The following ATP11A variants were observed in gnomAD, a reference collection of about 807,000 sequenced individuals.
The protein encoded by ATP11A is ATPase phospholipid transporting 11A.
A neutral mutation model predicts 154.4 loss-of-function variants in ATP11A; 81 were observed. The observed-to-expected ratio is 0.52, with a 90% CI of 0.44 to 0.63. ATP11A has a LOEUF of 0.63. ATP11A is among the 30% of genes least tolerant of loss of function. The pLI, the probability that ATP11A is intolerant of heterozygous loss-of-function variation, is 0.00. For missense variants in ATP11A, 1,316 were observed against 1,474.3 expected, an observed-to-expected ratio of 0.89 and a Z score of 1.76; for synonymous variants, 623 against 585.9, an observed-to-expected ratio of 1.06 and a Z score of -0.91.
At chr13:112,726,876 T>C (rs1269586922) in intron 1 of ATP11A, among the ~76,000 whole-genome samples, 2 of 152,158 alleles carry the variant, frequency 1.3e-5, no homozygotes, top group Non-Finnish European at 2.9e-5. Flanking sequence ...AATAAATAAT[T>C]GTAAAGACAT....
intron 20 of ATP11A, among the ~76,000 whole-genome samples, chr13:112,857,197 C>T (rs2079955035): frequency 6.6e-6 from 1 of 152,196 alleles, no homozygotes; most frequent in South Asian, 2.1e-4. Flanking sequence ...CCCCCCATCT[C>T]TTCATTCTTA....
At chr13:112,702,193 A>G (rs985672256) in intron 1 of ATP11A, among the ~76,000 whole-genome samples, 1 of 151,698 alleles carries the variant, frequency 6.6e-6, no homozygotes, top group African/African-American at 2.4e-5. Flanking sequence ...TACAAATACA[A>G]AAATTAGCTG....
chr13:112,840,602 C>T (rs2079384877), intron 16 of ATP11A, among the ~76,000 whole-genome samples: 1 of 151,386 alleles, frequency 6.6e-6, no homozygotes, highest in Non-Finnish European at 1.5e-5. Flanking sequence ...AGCCTTTGCT[C>T]GGCACTGGTT....
At chr13:112,704,472 C>G (rs989376882) in intron 1 of ATP11A, among the ~76,000 whole-genome samples, 3 of 152,250 alleles carry the variant, frequency 2.0e-5, no homozygotes, top group African/African-American at 2.4e-5. Context: ...GGCTGCTCTG[C>G]CCCCGCGTTG....
chr13:112,808,777 C>G (rs567443277), intron 4 of ATP11A, among the ~76,000 whole-genome samples: 2 of 152,308 alleles, frequency 1.3e-5, no homozygotes, highest in East Asian at 3.9e-4. Flanking sequence ...CGCCATCGCC[C>G]AGGTCCTGCC....
chr13:112,738,418 C>T (rs1891206882), intron 1 of ATP11A, among the ~76,000 whole-genome samples: 1 of 152,166 alleles, frequency 6.6e-6, no homozygotes, highest in Non-Finnish European at 1.5e-5. Context: ...GTGTTAGCGA[C>T]TCAGAAAAGT....
chr13:112,693,528 A>G (rs780453896), intron 1 of ATP11A, among the ~76,000 whole-genome samples: 7 of 150,330 alleles, frequency 4.7e-5, no homozygotes, highest in Middle Eastern at 3.5e-3. Context: ...TGTGGGAGCC[A>G]TGGGGTAGCG....
intron 8 of ATP11A, among the ~76,000 whole-genome samples, chr13:112,822,809 C>T (rs146338857): frequency 1.3e-5 from 2 of 152,098 alleles, no homozygotes; most frequent in Non-Finnish European, 2.9e-5. Flanking sequence ...CACATCCACC[C>T]CTCTTTAGCC....
chr13:112,832,747 G>T (rs533621643), intron 13 of ATP11A, 113 bp from the exon 14 acceptor site: 1 of 1,282,560 alleles, frequency 7.8e-7, no homozygotes, highest in Non-Finnish European at 1.1e-6. Flanking sequence ...AGCTGCCTTC[G>T]TGGCCGCGGG....
At chr13:112,873,402 T>C in intron 26 of ATP11A, 171 bp from the exon 27 acceptor site, 2 of 563,194 alleles carry the variant, frequency 3.6e-6, no homozygotes, top group East Asian at 6.3e-5. Context: ...CTGAGCGGTG[T>C]GAGGTGTGGC....
intron 2 of ATP11A, among the ~76,000 whole-genome samples, chr13:112,790,835 C>A (rs2077832835): frequency 6.6e-6 from 1 of 152,180 alleles, no homozygotes; most frequent in African/African-American, 2.4e-5. Flanking sequence ...AAAAGGTCAC[C>A]TTTTCAAAGC....
rs1196711098 is a variant in ATP11A, at chr13:112,838,340, C to T, written c.1705+2089C>T. On this transcript the variant is annotated intron_variant, in intron 16 of 29. Transcript: ENST00000375645. This position sits in a 1 kb window ranked among gnomAD's most constrained non-coding sequence, Gnocchi z 7.3. ...TAGCAGTCGAATCTAGCTGTTGAGC[C>T]ATGGCTGGAACATGCTGCCCGTGAC... Among the ~76,000 whole-genome samples the T allele has an allele frequency of 6.6e-6, 1 of 152,140 alleles. No individual in the cohort carries two copies. The highest frequency in any genetic ancestry group is 2.4e-5 in the African/African-American group (1 of 41,438).
chr13:112,747,740 G>A lies in ATP11A; in HGVS notation c.40-37395G>A, dbSNP rs532009862. ...AATCCCAGCTACTCGGGAGGCTGAG[G>A]CAGGAGAATTGCTTGAACCTGGGAG... On this transcript the variant is annotated intron_variant, in intron 1 of 29. Transcript: ENST00000375645. 1.3e-3 allele frequency among the ~76,000 whole-genome samples: 193 copies of A among 152,286 alleles called. No individual in the cohort carries two copies. In the East Asian group the frequency reaches 0.013, roughly 10 times the overall value.
Position 112,880,516 on chromosome 13 carries a change from C to G in ATP11A, c.*10-1360C>G, listed in dbSNP as rs994036606. 13 of 1,289,266 alleles carry G rather than the reference C, an allele frequency of 1.0e-5. No homozygotes were observed. The African/African-American group carries it at 1.8e-4, about 18-fold the overall frequency. 79.9% of individuals were successfully genotyped at this position (1,289,266 alleles called of 1,614,324 possible). On this transcript the variant is annotated intron_variant, in intron 29 of 29. Transcript: ENST00000375645. Reference sequence around the variant, plus strand: ...ACTCCTGGTGGCCCCGTGTGGCCCACGTCGCTCAGTATCTTTCCTCGCCTT... The same window carrying G: ...ACTCCTGGTGGCCCCGTGTGGCCCAGGTCGCTCAGTATCTTTCCTCGCCTT...
intron 1 of ATP11A, among the ~76,000 whole-genome samples, chr13:112,694,787 CTGAAGGATT>C (rs1263055632): frequency 2.0e-5 from 3 of 152,156 alleles, no homozygotes; most frequent in Admixed American, 1.3e-4. Flanking sequence ...ATTGAAGGAT[CTGAAGGATT>C]TCCTTGCTGA....
chr13:112,842,869 G>A (rs1029146314), intron 17 of ATP11A, among the ~76,000 whole-genome samples: 3 of 152,190 alleles, frequency 2.0e-5, no homozygotes, highest in African/African-American at 4.8e-5. Context: ...GTATAGCACC[G>A]CCCAGCAGCC....
intron 13 of ATP11A, 138 bp from the exon 14 acceptor site, chr13:112,832,722 C>A (rs2079127961): frequency 2.3e-6 from 2 of 887,552 alleles, no homozygotes; most frequent in African/African-American, 1.7e-5. Flanking sequence ...ACTGTATAAC[C>A]CCTCACCGCC....
Position 112,808,884 on chromosome 13 carries a change from G to A in ATP11A, c.334-1735G>A, listed in dbSNP as rs1013928148. Reference sequence around the variant, plus strand: ...GCATGGGCCTCCACGTGTCCTTCCCGTCCCAGCCAGGCTGGCTGGTGGGCA... The same window carrying A: ...GCATGGGCCTCCACGTGTCCTTCCCATCCCAGCCAGGCTGGCTGGTGGGCA... On this transcript the variant is annotated intron_variant, in intron 4 of 29. Coordinates refer to ENST00000375645, the MANE Select transcript of ATP11A (RefSeq NM_015205.3). Among the ~76,000 whole-genome samples the A allele has an allele frequency of 2.6e-5, 4 of 152,180 alleles. No individual in the cohort carries two copies. In the South Asian group the frequency reaches 6.2e-4, roughly 24 times the overall value.
At chr13:112,727,796 G>A (rs1462820656) in intron 1 of ATP11A, among the ~76,000 whole-genome samples, 2 of 152,252 alleles carry the variant, frequency 1.3e-5, no homozygotes, top group African/African-American at 4.8e-5. Flanking sequence ...CTAAACTCTG[G>A]CTTCGTGCAG....
Sources: gnomAD v4.1 joint callset for allele counts (sites outside exome capture counted in the v4.1 genomes callset) on GRCh38, gnomAD v4.1.1 for gene constraint, Gnocchi (gnomAD v3.1) non-coding constraint, MANE v1.5 for transcripts, NCBI Gene and HGNC (gene_info 2026-07-23, HGNC 2026-07-21) for gene names.